EYS: variants seen among roughly 807,000 people sequenced by gnomAD.
EYS encodes protein eyes shut homolog.
In EYS, 250 loss-of-function variants were observed where a neutral mutation model predicts 282.1. The observed-to-expected ratio is 0.89, with a 90% CI of 0.80 to 0.98. The LOEUF (loss-of-function observed/expected upper bound fraction) is 0.98. Among genes scored for constraint, EYS ranks in the 50% least tolerant of loss-of-function variants. EYS has a pLI of 0.00. For synonymous variants in EYS, 1,355 were observed against 1,282.9 expected, an observed-to-expected ratio of 1.06 and a Z score of -1.20; for missense variants, 4,016 against 3,709.0, an observed-to-expected ratio of 1.08 and a Z score of -2.15.
intron 12 of EYS, among the ~76,000 whole-genome samples, chr6:65,131,378 A>G (rs1319621673): frequency 6.6e-6 from 1 of 151,878 alleles, no homozygotes; most frequent in African/African-American, 2.4e-5. Flanking sequence ...ACCAAAGACA[A>G]TCTCAGATCA....
intron 1 of EYS, among the ~76,000 whole-genome samples, chr6:65,644,410 G>A (rs1444224962): frequency 1.3e-5 from 2 of 152,092 alleles, no homozygotes; most frequent in Admixed American, 6.6e-5. Flanking sequence ...AAAAAGTTTG[G>A]GACTATGTTA....
chr6:65,011,209 C>T (rs1407042059), intron 13 of EYS, among the ~76,000 whole-genome samples: 1 of 152,214 alleles, frequency 6.6e-6, no homozygotes, highest in Non-Finnish European at 1.5e-5. Context: ...AAACCTTTCA[C>T]TTAGGCATAG....
chr6:64,094,732 G>A (rs892210613), intron 31 of EYS, among the ~76,000 whole-genome samples: 1 of 152,008 alleles, frequency 6.6e-6, no homozygotes, highest in Non-Finnish European at 1.5e-5. Flanking sequence ...TTTTTGAAGG[G>A]TTTTTTGTGT....
At chr6:64,803,416 G>A (rs1050552348) in intron 22 of EYS, among the ~76,000 whole-genome samples, 7 of 151,990 alleles carry the variant, frequency 4.6e-5, no homozygotes, top group African/African-American at 1.7e-4. Flanking sequence ...AAGGGAGGAA[G>A]TCTGTGCTGA....
At position 64,346,874 on chromosome 6, in the gene EYS, C is replaced by T. The variant is rs112528422; in HGVS notation, c.6079-39792G>A. 5.7e-3 allele frequency among the ~76,000 whole-genome samples: 864 copies of T among 151,442 alleles called. 6 individuals are homozygous for T. The highest frequency in any genetic ancestry group is 0.02 in the African/African-American group (822 of 41,408). ...AAGGAAATTAATGAAAAAACCTACACTTCTAAATTTTGATTATATGTATCA... is the reference window on the plus strand; with the variant it reads ...AAGGAAATTAATGAAAAAACCTACATTTCTAAATTTTGATTATATGTATCA... On this transcript the variant is annotated intron_variant, in intron 29 of 42. Transcript: ENST00000503581.
intron 16 of EYS, among the ~76,000 whole-genome samples, chr6:64,906,438 T>C (rs984712133): frequency 2.6e-5 from 4 of 152,238 alleles, no homozygotes; most frequent in African/African-American, 9.6e-5. Context: ...TTTTTAATTG[T>C]CAACAGGAGT....
intron 2 of EYS, among the ~76,000 whole-genome samples, chr6:65,604,842 C>CCCTTT (rs35924341): frequency 1.5e-5 from 2 of 130,410 alleles, no homozygotes; most frequent in Non-Finnish European, 1.6e-5. Context: ...TCACTGCCCC[C>CCCTTT]TTTTTTTTTT....
At chr6:63,776,412 C>G (rs1770066200) in intron 40 of EYS, among the ~76,000 whole-genome samples, 1 of 152,140 alleles carries the variant, frequency 6.6e-6, no homozygotes, top group Non-Finnish European at 1.5e-5. Context: ...TCCTGCTGTA[C>G]TACTCACAGG....
chr6:65,139,684 C>T (rs1343564598), intron 12 of EYS, among the ~76,000 whole-genome samples: 2 of 152,112 alleles, frequency 1.3e-5, no homozygotes, highest in Non-Finnish European at 2.9e-5. Context: ...TGATGCACTC[C>T]TCCCGTTCTT....
chr6:65,086,788 G>A (rs1490833330), intron 12 of EYS, among the ~76,000 whole-genome samples: 1 of 151,572 alleles, frequency 6.6e-6, no homozygotes, highest in Non-Finnish European at 1.5e-5. Context: ...ATATGTGTGT[G>A]GTGGTGTGTG....
chr6:63,930,123 C>G (rs1233609567), intron 35 of EYS, among the ~76,000 whole-genome samples: 1 of 152,066 alleles, frequency 6.6e-6, no homozygotes, highest in East Asian at 1.9e-4. Context: ...GTGGCTTTTA[C>G]AATTCTCACC....
intron 2 of EYS, among the ~76,000 whole-genome samples, chr6:65,617,624 C>A (rs1048922245): frequency 2.0e-5 from 3 of 150,652 alleles, no homozygotes; most frequent in Admixed American, 6.6e-5. Context: ...CATATGTATA[C>A]ATGTGCCATG....
chr6:63,720,570 T>C lies in EYS; in HGVS notation c.*26A>G, dbSNP rs1344021114. 19 of 1,420,660 alleles carry C rather than the reference T, an allele frequency of 1.3e-5. No individual in the cohort carries two copies. The highest frequency in any genetic ancestry group is 1.8e-5 in the Non-Finnish European group (19 of 1,069,680). The allele number at this position is 1,420,660 out of a possible 1,614,324, so 88.0% of individuals were successfully genotyped here. A position where few individuals can be genotyped will look rare whatever the true frequency, so the allele number is the denominator to read the frequency against. On this transcript the variant is annotated 3_prime_UTR_variant, in exon 43 of 43. Coordinates refer to ENST00000503581, the MANE Select transcript of EYS (RefSeq NM_001142800.2). ...TCAAAATAACTGCATTTATGTATAG[T>C]GTGTACTAAAATCTCTAGTGTTAAC... is the stretch of plus-strand genomic sequence containing the variant.
In EYS at chr6:63,851,693, G is replaced by A. The variant is rs1353827569; in HGVS notation, c.7228+12493C>T. Among the ~76,000 whole-genome samples, 8 of 152,278 alleles carry A rather than the reference G, an allele frequency of 5.3e-5. No individual in the cohort carries two copies. The East Asian group carries it at 1.5e-3, about 29-fold the overall frequency. On this transcript the variant is annotated intron_variant, in intron 36 of 42. Transcript: ENST00000503581. ...AGCAGTGTTTAGAGGGAAATTTATA[G>A]CATTAAGTGCCCACATCAGAAAGTG...
intron 13 of EYS, among the ~76,000 whole-genome samples, chr6:65,026,382 A>T (rs1246886101): frequency 6.6e-6 from 1 of 152,192 alleles, no homozygotes; most frequent in African/African-American, 2.4e-5. Context: ...TAACAGAAGC[A>T]TAAAAGTAAT....
intron 5 of EYS, among the ~76,000 whole-genome samples, chr6:65,428,986 C>G (rs1038474510): frequency 1.3e-5 from 2 of 151,828 alleles, no homozygotes; most frequent in Non-Finnish European, 2.9e-5. Flanking sequence ...AGTTCGAGAC[C>G]AGCCTGACAA....
intron 9 of EYS, 21 bp downstream of exon 9, chr6:65,353,437 A>G (rs754644613): frequency 2.5e-6 from 4 of 1,611,384 alleles, no homozygotes; most frequent in Non-Finnish European, 2.5e-6. Context: ...CAGATTGAAA[A>G]AAATTACATA....
intron 11 of EYS, chr6:65,331,669 C>T (rs754039254): frequency 1.0e-6 from 1 of 980,040 alleles, no homozygotes; most frequent in Non-Finnish European, 1.2e-6. Context: ...AATAACATCA[C>T]AAAACGAAGG....
chr6:64,212,834 C>T (rs1447889026), intron 31 of EYS, among the ~76,000 whole-genome samples: 1 of 152,030 alleles, frequency 6.6e-6, no homozygotes, highest in Non-Finnish European at 1.5e-5. Context: ...ACACTATTCA[C>T]AATAGCAAAG....
Sources: gnomAD v4.1 joint callset for allele counts (sites outside exome capture counted in the v4.1 genomes callset) on GRCh38, gnomAD v4.1.1 for gene constraint, MANE v1.5 for transcripts, NCBI Gene and HGNC (gene_info 2026-07-23, HGNC 2026-07-21) for gene names.